The following HTATIP2 variants were observed in gnomAD, a reference collection of about 807,000 sequenced individuals.
HTATIP2 encodes the protein protein HTATIP2.
HTATIP2 carries 26 observed loss-of-function variants against 24.7 expected under a neutral mutation model. The ratio of observed to expected loss-of-function variants is 1.05; its 90% CI spans 0.77 to 1.46. HTATIP2 has a LOEUF of 1.46. HTATIP2 is among the 40% of genes most tolerant of loss of function. HTATIP2 has a pLI of 0.00. For missense variants in HTATIP2, 284 were observed against 289.6 expected, an observed-to-expected ratio of 0.98 and a Z score of 0.14; for synonymous variants, 99 against 113.2, an observed-to-expected ratio of 0.87 and a Z score of 0.79.
intron 1 of HTATIP2, among the ~76,000 whole-genome samples, chr11:20,366,545 A>T (rs1433010392): frequency 6.6e-6 from 1 of 152,130 alleles, no homozygotes; most frequent in African/African-American, 2.4e-5. Context: ...GGTTAGATGG[A>T]GGTTCGTAAA....
At chr11:20,372,653 G>C (rs532818290) in intron 2 of HTATIP2, among the ~76,000 whole-genome samples, 1 of 152,320 alleles carries the variant, frequency 6.6e-6, no homozygotes, top group African/African-American at 2.4e-5. Context: ...ACTCTCAGAA[G>C]AGATGTCTGT....
At chr11:20,374,557 G>T (rs1476066804) in intron 2 of HTATIP2, among the ~76,000 whole-genome samples, 1 of 152,164 alleles carries the variant, frequency 6.6e-6, no homozygotes, top group Non-Finnish European at 1.5e-5. Flanking sequence ...TGTGGTAGCT[G>T]AGCCCTTCTT....
rs751752269 is a variant in HTATIP2, at chr11:20,367,173, G to T, written c.196-1G>T. 1.6e-5 allele frequency: 26 copies of T among 1,613,914 alleles called. No homozygotes were observed. Among genetic ancestry groups the T allele is most frequent in the Non-Finnish European group, 2.1e-5 (25 of 1,179,994 alleles). ...CTACATACAACTGTGTCCTTGCCTA[G>T]AATCAAGAAGTGGTGGACTTTGAAA... On this transcript the variant is annotated splice_acceptor_variant, in intron 1 of 4. Transcript: ENST00000451739. LOFTEE classifies it high-confidence loss of function.
chr11:20,374,947 C>T (rs1015010619), intron 2 of HTATIP2, among the ~76,000 whole-genome samples: 4 of 152,222 alleles, frequency 2.6e-5, no homozygotes, highest in Middle Eastern at 6.8e-3. Context: ...AAGATTAGGA[C>T]GTGGGCATCT....
intron 3 of HTATIP2, among the ~76,000 whole-genome samples, chr11:20,381,488 A>T (rs766851879): frequency 6.6e-5 from 10 of 152,040 alleles, no homozygotes; most frequent in Non-Finnish European, 1.5e-4. Context: ...AAAAATTTTT[A>T]AAAAGAAAAA....
At chr11:20,365,048 A>G (rs1592316815) in intron 1 of HTATIP2, among the ~76,000 whole-genome samples, 1 of 148,676 alleles carries the variant, frequency 6.7e-6, no homozygotes, top group East Asian at 2.0e-4. Context: ...CAGTGGCACG[A>G]TCTCGGCTCA....
At chr11:20,366,976 C>T (rs2064715838) in intron 1 of HTATIP2, among the ~76,000 whole-genome samples, 198 bp from the exon 2 acceptor site, 1 of 152,160 alleles carries the variant, frequency 6.6e-6, no homozygotes, top group Non-Finnish European at 1.5e-5. Flanking sequence ...GTTATATAGA[C>T]TGTGGACATA....
intron 2 of HTATIP2, among the ~76,000 whole-genome samples, chr11:20,369,780 A>T (rs995210735): frequency 1.3e-5 from 2 of 152,172 alleles, no homozygotes; most frequent in Non-Finnish European, 1.5e-5. Flanking sequence ...CTTATTTCCA[A>T]ATAAGGTCAT....
chr11:20,382,668 GACC>G (rs1848537983), intron 4 of HTATIP2, among the ~76,000 whole-genome samples: 1 of 152,134 alleles, frequency 6.6e-6, no homozygotes, highest in African/African-American at 2.4e-5. Flanking sequence ...CTGGCAGACA[GACC>G]ACCTTCTGGC....
In HTATIP2 at chr11:20,380,398, C is replaced by T. The variant is rs558775071; in HGVS notation, c.442-1780C>T. Among the ~76,000 whole-genome samples, 300 of 152,242 alleles carry T rather than the reference C, an allele frequency of 2.0e-3. 1 individual carries two copies. The highest frequency in any genetic ancestry group is 6.7e-3 in the African/African-American group (277 of 41,556). ...TTAAAAAGCTAAGAAATGGGCTGGG[C>T]GCGGTGGCTCACGCCTGTAATCCCA... On this transcript the variant is annotated intron_variant, in intron 3 of 4. Coordinates refer to ENST00000451739, the MANE Select transcript of HTATIP2 (RefSeq NM_001098522.2).
chr11:20,364,317 G>T lies in HTATIP2; in HGVS notation c.80G>T (p.Ser27Ile). ...QNKSVFILGA[S>I]GETGRVLLKE... Reference sequence around the variant, plus strand: ...AAATCCGTCTTTATTTTGGGCGCCAGCGGAGAAACCGGCAGAGTGCTCTTA... The same window carrying T: ...AAATCCGTCTTTATTTTGGGCGCCATCGGAGAAACCGGCAGAGTGCTCTTA... The change falls in exon 1 of 5, where the codon AGC (serine) becomes ATC (isoleucine). Residue 27 changes from serine to isoleucine, a missense_variant. By Grantham distance (142) the Ser-to-Ile change is moderately radical (BLOSUM62 -2). Transcript: ENST00000451739. 6.2e-7 allele frequency: 1 copy of T among 1,613,930 alleles called. No individual in the cohort carries two copies. Among genetic ancestry groups the T allele is most frequent in the Non-Finnish European group, 8.5e-7 (1 of 1,179,830 alleles).
rs1207977051 is a variant in HTATIP2, at chr11:20,363,841, G to T, written c.-397G>T. On this transcript the variant is annotated 5_prime_UTR_variant, in exon 1 of 5. Coordinates refer to ENST00000451739, the MANE Select transcript of HTATIP2 (RefSeq NM_001098522.2). ...CCGGGCCTGCGGCGCTGAGCGCGGC[G>T]GCGGCGGCTGCTCTGGCGGCCGCCC... is the stretch of plus-strand genomic sequence containing the variant. 4.2e-5 allele frequency: 52 copies of T among 1,244,514 alleles called. No homozygotes were observed. The highest frequency in any genetic ancestry group is 5.2e-5 in the Non-Finnish European group (52 of 990,910). The allele number at this position is 1,244,514 out of a possible 1,614,324, so 77.1% of individuals were successfully genotyped here. A position where few individuals can be genotyped will look rare whatever the true frequency, so the allele number is the denominator to read the frequency against.
At chr11:20,379,342 C>T (rs934079187) in intron 3 of HTATIP2, among the ~76,000 whole-genome samples, 8 of 152,156 alleles carry the variant, frequency 5.3e-5, no homozygotes, top group African/African-American at 1.9e-4. Flanking sequence ...GAAATGACAA[C>T]CAAATGATCC....
intron 2 of HTATIP2, among the ~76,000 whole-genome samples, chr11:20,369,254 G>C (rs1237412476): frequency 1.3e-5 from 2 of 152,154 alleles, no homozygotes. Context: ...GTAGAAAAAA[G>C]TTCGTTGGGT....
At chr11:20,372,539 CT>C (rs2064782623) in intron 2 of HTATIP2, among the ~76,000 whole-genome samples, 1 of 152,074 alleles carries the variant, frequency 6.6e-6, no homozygotes, top group African/African-American at 2.4e-5. Flanking sequence ...ATAGTGGGAA[CT>C]TATTTAATTA....
Position 20,363,921 on chromosome 11 carries a change from T to G in HTATIP2, c.-317T>G. The G allele has an allele frequency of 8.1e-7, 1 of 1,242,116 alleles. No individual in the cohort carries two copies. Among genetic ancestry groups the G allele is most frequent in the Non-Finnish European group, 1.0e-6 (1 of 989,584 alleles). 76.9% of individuals were successfully genotyped at this position (1,242,116 alleles called of 1,614,324 possible). A position where few individuals can be genotyped will look rare whatever the true frequency, so the allele number is the denominator to read the frequency against. On this transcript the variant is annotated 5_prime_UTR_variant, in exon 1 of 5. Transcript: ENST00000451739. Reference sequence around the variant, plus strand: ...CCGGGGGCTGGCCCCAGGTAACCCCTCCGCGTATGGGACCGAGCTGGGCCA... The same window carrying G: ...CCGGGGGCTGGCCCCAGGTAACCCCGCCGCGTATGGGACCGAGCTGGGCCA...
intron 2 of HTATIP2, among the ~76,000 whole-genome samples, chr11:20,368,414 GTT>G (rs2064736386): frequency 6.6e-6 from 1 of 152,214 alleles, no homozygotes; most frequent in African/African-American, 2.4e-5. Flanking sequence ...ACCTTCTGCA[GTT>G]CTGCCTATCT....
At chr11:20,378,432 A>T (rs964225866) in intron 3 of HTATIP2, among the ~76,000 whole-genome samples, 3 of 152,184 alleles carry the variant, frequency 2.0e-5, no homozygotes, top group Non-Finnish European at 2.9e-5. Flanking sequence ...CCTCCTGAGC[A>T]GCTGGGACTA....
At chr11:20,373,690 A>G (rs891396983) in intron 2 of HTATIP2, among the ~76,000 whole-genome samples, 14 of 152,240 alleles carry the variant, frequency 9.2e-5, no homozygotes, top group African/African-American at 3.4e-4. Flanking sequence ...TTAAAATCAG[A>G]GTTCTGATAA....
Sources: allele counts gnomAD v4.1 joint callset (sites outside exome capture counted in the v4.1 genomes callset), GRCh38; gene constraint gnomAD v4.1.1; transcripts MANE v1.5; gene names NCBI Gene and HGNC (gene_info 2026-07-23, HGNC 2026-07-21).